Variants in PDS5A observed in about 807,000 individuals in gnomAD.
PDS5A encodes sister chromatid cohesion protein PDS5 homolog A.
A neutral mutation model predicts 167.1 loss-of-function variants in PDS5A; 42 were observed. The observed-to-expected ratio is 0.25, with a 90% CI of 0.20 to 0.33. The LOEUF is 0.33. Among genes scored for constraint, PDS5A ranks in the 10% least tolerant of loss-of-function variants. PDS5A has a pLI of 1.00. For missense variants in PDS5A, 1,033 were observed against 1,605.9 expected (o/e 0.64, Z 6.10); for synonymous variants, 553 against 554.6 (o/e 1.00, Z 0.04).
At position 39,875,421 on chromosome 4, in the gene PDS5A, G is replaced by A. The variant is rs372702047; in HGVS notation, c.2154-1009C>T. Among the ~76,000 whole-genome samples, 30 of 152,072 alleles carry A rather than the reference G, an allele frequency of 2.0e-4. No individual in the cohort carries two copies. The South Asian group carries it at 4.6e-3, about 23-fold the overall frequency. ...ATAATCAGAATAAAATTGATAAAACGAAACAAACATTTAAGGAAAGATATT... is the reference window on the plus strand; with the variant it reads ...ATAATCAGAATAAAATTGATAAAACAAAACAAACATTTAAGGAAAGATATT... On this transcript the variant is annotated intron_variant, in intron 19 of 32. Transcript: ENST00000303538.
chr4:39,915,343 A>ATTTTTTTTTTTTTTTTT (rs3070904), intron 8 of PDS5A, among the ~76,000 whole-genome samples: 2 of 88,728 alleles, frequency 2.3e-5, no homozygotes, highest in Non-Finnish European at 4.1e-5. Flanking sequence ...AACCGGCCTG[A>ATTTTTTTTTTTTTTTTT]TTTTTTTTTT....
chr4:39,908,171 A>C (rs1723560635), intron 11 of PDS5A, among the ~76,000 whole-genome samples: 2 of 152,324 alleles, frequency 1.3e-5, no homozygotes, highest in African/African-American at 4.8e-5. Context: ...GTATGATAGA[A>C]AAGAAACCCA....
At chr4:39,836,717 G>A (rs140997895) in intron 32 of PDS5A, among the ~76,000 whole-genome samples, 10,557 of 150,078 alleles carry the variant, frequency 0.07, 465 homozygotes, top group Non-Finnish European at 0.1. Context: ...ACCCGCCGTG[G>A]CCTCCCAAAG....
At chr4:39,845,787 A>G in intron 29 of PDS5A, 31 bp downstream of exon 29, 2 of 1,382,032 alleles carry the variant, frequency 1.4e-6, no homozygotes, top group Non-Finnish European at 1.9e-6. Flanking sequence ...CACATGAAAC[A>G]AAGATCTCAA....
intron 23 of PDS5A, among the ~76,000 whole-genome samples, chr4:39,865,033 A>C (rs1000374355): frequency 6.6e-6 from 1 of 152,198 alleles, no homozygotes; most frequent in Admixed American, 6.5e-5. Flanking sequence ...TTGAGGATCT[A>C]GATGCAAAAT....
At chr4:39,970,833 G>A (rs145327439) in intron 2 of PDS5A, among the ~76,000 whole-genome samples, 6 of 125,394 alleles carry the variant, frequency 4.8e-5, no homozygotes, top group East Asian at 4.9e-4. Context: ...GGTCTCACTC[G>A]GTCACCCAGG....
At chr4:39,877,222 C>CA in intron 18 of PDS5A, 69 bp from the exon 19 acceptor site, 1 of 971,072 alleles carries the variant, frequency 1.0e-6, no homozygotes. Context: ...AATTACTTCC[C>CA]GCAAAAGAAA....
chr4:39,949,547 C>A (rs182738868), intron 2 of PDS5A, among the ~76,000 whole-genome samples: 1 of 151,800 alleles, frequency 6.6e-6, no homozygotes, highest in Non-Finnish European at 1.5e-5. Flanking sequence ...AAACTGACTA[C>A]GAGCTGGTCA....
rs138349463 is a variant in PDS5A at position 39,862,040 on chromosome 4, A to C, written c.3086+179T>G. On this transcript the variant is annotated intron_variant, in intron 26 of 32. Coordinates refer to ENST00000303538, the MANE Select transcript of PDS5A (RefSeq NM_001100399.2). ...AAACAAACAGAAAATGAACAACCAA[A>C]ACCTGGTAGATGGGAAAATTTTTGA... Among the ~76,000 whole-genome samples, 645 of 152,262 alleles carry C rather than the reference A, an allele frequency of 4.2e-3. 6 individuals carry two copies. Among genetic ancestry groups the C allele is most frequent in the Admixed American group, 0.037 (561 of 15,296 alleles).
intron 2 of PDS5A, among the ~76,000 whole-genome samples, chr4:39,934,206 T>G (rs1320944360): frequency 1.3e-5 from 2 of 152,180 alleles, no homozygotes; most frequent in Non-Finnish European, 2.9e-5. Context: ...CCTTTCTGAT[T>G]AGAGCACAGG....
In PDS5A at chr4:39,838,150, C is replaced by A; in HGVS notation, c.3716G>T (p.Arg1239Ile). The A allele has an allele frequency of 6.2e-7, 1 of 1,613,306 alleles. No individual in the cohort carries two copies. The highest frequency in any genetic ancestry group is 8.5e-7 in the Non-Finnish European group (1 of 1,179,648). ...CTCTGCACCAGCTGCTGTTACTGTTCTTTTCTTTCCTCGGTCACTGCTGAT... is the reference window on the plus strand; with the variant it reads ...CTCTGCACCAGCTGCTGTTACTGTTATTTTCTTTCCTCGGTCACTGCTGAT... ...GNISSDRGKK[R>I]TVTAAGAENI... Residue 1239 changes from arginine (R) to isoleucine (I), a missense_variant, in exon 32 of 33, where the codon AGA becomes ATA. Around this residue, in one of 4 missense-constraint regions of PDS5A, gnomAD observed 233 missense variants for 264.0 expected, o/e 0.88. Coordinates refer to ENST00000303538, the MANE Select transcript of PDS5A (RefSeq NM_001100399.2).
In PDS5A at chr4:39,877,048, G is replaced by T; in HGVS notation, c.2098C>A (p.Gln700Lys). 6.2e-7 allele frequency: 1 copy of T among 1,611,602 alleles called. No individual in the cohort carries two copies. The stretch of plus-strand genomic sequence containing the variant: ...TTGTGACCTGTATTTCTAAAAATTT[G>T]AATAGCAGCTTCTGCTACCTTGTCA... ...EDDKVAEAAI[Q>K]IFRNTGHKIE... is the part of the protein sequence containing the mutation. The change falls in exon 19 of 33, where the codon CAA becomes AAA. Residue 700 changes from glutamine (Q) to lysine (K), a missense_variant. Coordinates refer to ENST00000303538, the MANE Select transcript of PDS5A (RefSeq NM_001100399.2).
At chr4:39,934,175 G>A (rs1204604264) in intron 2 of PDS5A, among the ~76,000 whole-genome samples, 1 of 152,048 alleles carries the variant, frequency 6.6e-6, no homozygotes, top group East Asian at 1.9e-4. Flanking sequence ...AGAGCTCCAG[G>A]GTGGCTTCCT....
At chr4:39,878,279 T>C (rs1720640990) in intron 18 of PDS5A, among the ~76,000 whole-genome samples, 1 of 152,080 alleles carries the variant, frequency 6.6e-6, no homozygotes, top group African/African-American at 2.4e-5. Context: ...AATTGGAGAA[T>C]TAAATTAGAA....
chr4:39,874,184 G>A, intron 20 of PDS5A, 105 bp downstream of exon 20: 1 of 846,632 alleles, frequency 1.2e-6, no homozygotes. Context: ...GTCTAAGGTA[G>A]GACTTCATAT....
At chr4:39,932,551 G>T in intron 2 of PDS5A, 1 of 193,766 alleles carries the variant, frequency 5.2e-6, no homozygotes. Flanking sequence ...ATTGTAAAAA[G>T]AGAACATGCA....
chr4:39,898,909 A>G, intron 14 of PDS5A, 84 bp from the exon 15 acceptor site: 3 of 828,554 alleles, frequency 3.6e-6, no homozygotes, highest in Non-Finnish European at 6.0e-6. Context: ...TCATTACTGT[A>G]CATTTTTCAT....
chr4:39,898,616 C>T lies in PDS5A; in HGVS notation c.1631-88G>A, dbSNP rs957725746. On this transcript the variant is annotated intron_variant, in intron 15 of 32. Coordinates refer to ENST00000303538, the MANE Select transcript of PDS5A (RefSeq NM_001100399.2). ...AAAAACAGGTGCCATCAAAATATTG[C>T]GGAGCCACTAAAAGAAAATCAGCCT... 31 of 973,328 alleles carry T rather than the reference C, an allele frequency of 3.2e-5. No individual in the cohort carries two copies. The East Asian group carries it at 6.0e-4, about 19-fold the overall frequency. 60.3% of individuals were successfully genotyped at this position (973,328 alleles called of 1,614,324 possible).
At position 39,916,532 on chromosome 4, in the gene PDS5A, G is replaced by A. The variant is rs147773192; in HGVS notation, c.876+516C>T. ...ATACCATTTTTCCTATCTATTGCTT[G>A]TGTCACTGTGATTATCAGTAGATAT... On this transcript the variant is annotated intron_variant, in intron 8 of 32. Coordinates refer to ENST00000303538, the MANE Select transcript of PDS5A (RefSeq NM_001100399.2). Among the ~76,000 whole-genome samples the A allele has an allele frequency of 2.8e-3, 423 of 152,152 alleles. 3 individuals are homozygous for A. The highest frequency in any genetic ancestry group is 9.5e-3 in the African/African-American group (393 of 41,510).
Sources: allele counts gnomAD v4.1 joint callset (sites outside exome capture counted in the v4.1 genomes callset), GRCh38; gene constraint gnomAD v4.1.1; regional missense constraint gnomAD v4.1.1; transcripts MANE v1.5; gene names NCBI Gene and HGNC (gene_info 2026-07-23, HGNC 2026-07-21).